The following PARP1 variants were observed in gnomAD, a reference collection of about 807,000 sequenced individuals.
The protein encoded by PARP1 is poly [ADP-ribose] polymerase 1.
Under a neutral mutation model 118.7 loss-of-function variants are expected in PARP1, and 44 were observed. The observed-to-expected ratio is 0.37, with a 90% CI of 0.29 to 0.48. The LOEUF (loss-of-function observed/expected upper bound fraction) is 0.48. Ranked by LOEUF, PARP1 falls within the 20% of genes least tolerant of loss-of-function variation. PARP1 has a pLI of 0.99. For missense variants in PARP1, 1,100 were observed against 1,272.4 expected (o/e 0.86, Z 2.06); for synonymous variants, 492 against 483.2 (o/e 1.02, Z -0.24).
intron 22 of PARP1, 167 bp from the exon 23 acceptor site, chr1:226,361,708 A>G: frequency 1.5e-6 from 1 of 689,520 alleles, no homozygotes; most frequent in Non-Finnish European, 2.6e-6. Context: ...AGGATGCTCA[A>G]TGCCAGCCTG....
At position 226,380,129 on chromosome 1, in the gene PARP1, C is replaced by T. The variant is rs2102735678; in HGVS notation, c.1336G>A (p.Val446Ile). The T allele has an allele frequency of 6.2e-7, 1 of 1,614,186 alleles. No individual in the cohort carries two copies. Residue 446 changes from valine (V) to isoleucine (I), a missense_variant, in exon 10 of 23, where the codon GTA becomes ATA. Physicochemically the swap from Val to Ile is conservative, Grantham distance 29 (BLOSUM62 3). Transcript: ENST00000366794. ...VEKMNKKMEE[V>I]KEANIRVVSE... ...ACAACTCGGATGTTGGCTTCCTTTACTTCCTCCATCTTCTTATTCATCTTT... is the reference window on the plus strand; with the variant it reads ...ACAACTCGGATGTTGGCTTCCTTTATTTCCTCCATCTTCTTATTCATCTTT...
chr1:226,405,331 T>C (rs1050422951), intron 1 of PARP1, among the ~76,000 whole-genome samples: 8 of 151,974 alleles, frequency 5.3e-5, no homozygotes, highest in African/African-American at 1.9e-4. Flanking sequence ...TGGGTCTGGG[T>C]CTGGGTCTGT....
At chr1:226,381,282 C>A (rs2102736415) in intron 8 of PARP1, 74 bp from the exon 9 acceptor site, 1 of 1,574,466 alleles carries the variant, frequency 6.4e-7, no homozygotes, top group Non-Finnish European at 8.7e-7. Flanking sequence ...GGTGGAGGAG[C>A]AGGTGAGCCA....
At position 226,361,155 on chromosome 1, in the gene PARP1, T is replaced by A; in HGVS notation, c.*305A>T. 2.3e-6 allele frequency: 1 copy of A among 431,518 alleles called. No individual in the cohort carries two copies. 26.7% of individuals were successfully genotyped at this position (431,518 alleles called of 1,614,324 possible). A position where few individuals can be genotyped will look rare whatever the true frequency, so the allele number is the denominator to read the frequency against. On this transcript the variant is annotated 3_prime_UTR_variant, in exon 23 of 23. Transcript: ENST00000366794. The stretch of plus-strand genomic sequence containing the variant: ...AGGCAGACATTCTAACGAAGCTTGG[T>A]TTTTTCCATAGGACTAGTCTATGCA...
In PARP1 at chr1:226,390,348, C is replaced by T. The variant is rs548566971; in HGVS notation, c.617+62G>A. The T allele has an allele frequency of 1.2e-5, 17 of 1,452,404 alleles. No homozygotes were observed. The African/African-American group carries it at 2.1e-4, about 18-fold the overall frequency. The allele number at this position is 1,452,404 out of a possible 1,614,324, so 90.0% of individuals were successfully genotyped here. ...AGGAGTGGTATGGAACCTGTAGGGC[C>T]TTTGGGCCTCCCTTGAACCCCTCAC... On this transcript the variant is annotated intron_variant, in intron 4 of 22. Coordinates refer to ENST00000366794, the MANE Select transcript of PARP1 (RefSeq NM_001618.4).
intron 2 of PARP1, among the ~76,000 whole-genome samples, chr1:226,393,835 G>T (rs1355914020): frequency 1.3e-5 from 2 of 152,218 alleles, no homozygotes; most frequent in Admixed American, 6.5e-5. Flanking sequence ...ATCTGTGCAT[G>T]TAACTATGTA....
intron 11 of PARP1, 139 bp from the exon 12 acceptor site, chr1:226,379,413 T>C (rs998633141): frequency 1.3e-4 from 166 of 1,249,358 alleles, no homozygotes; most frequent in Non-Finnish European, 1.9e-4. Flanking sequence ...CACAAATGTG[T>C]GTTCTCAGGA....
chr1:226,365,106 T>G lies in PARP1; in HGVS notation c.2554A>C (p.Lys852Gln), dbSNP rs764800807. 3 of 1,614,210 alleles carry G rather than the reference T, an allele frequency of 1.9e-6. No individual in the cohort carries two copies. The highest frequency in any genetic ancestry group is 2.5e-6 in the Non-Finnish European group (3 of 1,180,030). The change falls in exon 19 of 23, where the codon AAG becomes CAG. Residue 852 changes from lysine (K) to glutamine (Q), a missense_variant. By Grantham distance (53) the Lys-to-Gln change is moderately conservative. This residue lies in a region of PARP1 where 152 missense variants were observed against 240.6 expected (regional missense o/e 0.63). Transcript: ENST00000366794. ...AGCAATCTTCGGTTATGAAGCTGCTTAAAGGGCTTGTAACGCTGGCATTCG... is the reference window on the plus strand; with the variant it reads ...AGCAATCTTCGGTTATGAAGCTGCTGAAAGGGCTTGTAACGCTGGCATTCG... ...EGECQRYKPF[K>Q]QLHNRRLLWH...
At position 226,392,239 on chromosome 1, in the gene PARP1, T is replaced by G. The variant is rs200370133; in HGVS notation, c.362A>C (p.Asn121Thr). Reference sequence around the variant, plus strand: ...CATACACCCCTTGCACGTACTTCTGTTGGACTTGGCATACTCTGCTGCAAA... The same window carrying G: ...CATACACCCCTTGCACGTACTTCTGGTGGACTTGGCATACTCTGCTGCAAA... ...GDFAAEYAKS[N>T]RSTCKGCMEK... The change falls in exon 3 of 23, where the codon AAC (asparagine) becomes ACC (threonine). Residue 121 changes from asparagine (N) to threonine (T), a missense_variant. Around this residue, in one of 2 missense-constraint regions of PARP1, gnomAD observed 948 missense variants for 1,031.8 expected, o/e 0.92. Transcript: ENST00000366794. 1 of 1,614,094 alleles carries G rather than the reference T, an allele frequency of 6.2e-7. No homozygotes were observed. Among genetic ancestry groups the G allele is most frequent in the Non-Finnish European group, 8.5e-7 (1 of 1,179,928 alleles).
chr1:226,395,542 G>A (rs1184220970), intron 2 of PARP1, among the ~76,000 whole-genome samples: 4 of 152,122 alleles, frequency 2.6e-5, no homozygotes. Flanking sequence ...CTACTCGGGA[G>A]GCTGAGGCAG....
intron 15 of PARP1, among the ~76,000 whole-genome samples, chr1:226,369,122 T>C (rs1288149887): frequency 2.0e-5 from 3 of 152,218 alleles, no homozygotes; most frequent in African/African-American, 4.8e-5. Context: ...CTGAAGACTA[T>C]TGCATGGGAA....
Position 226,408,087 on chromosome 1 carries a change from G to C in PARP1, c.-158C>G. 9.3e-7 allele frequency: 1 copy of C among 1,075,414 alleles called. No homozygotes were observed. 66.6% of individuals were successfully genotyped at this position (1,075,414 alleles called of 1,614,324 possible). ...CACCGGCCACCGCCGTTCCCTGATA[G>C]ATTGCTGATGCCTGGCCGCGGGAAC... On this transcript the variant is annotated 5_prime_UTR_variant, in exon 1 of 23. It adds an upstream start codon to the 5' untranslated region. Transcript: ENST00000366794.
intron 14 of PARP1, 111 bp from the exon 15 acceptor site, chr1:226,370,628 C>G (rs930839882): frequency 1.2e-6 from 1 of 849,394 alleles, no homozygotes; most frequent in African/African-American, 1.6e-5. Context: ...AGTCAGGAGC[C>G]TGCTGGGATT....
chr1:226,365,778 C>CAAAAACA (rs1664249637), intron 18 of PARP1, among the ~76,000 whole-genome samples, 176 bp downstream of exon 18: 2 of 41,594 alleles, frequency 4.8e-5, no homozygotes, highest in Non-Finnish European at 1.1e-4. Flanking sequence ...AAAAAAAAAA[C>CAAAAACA]AAAAAACAAA....
chr1:226,384,709 G>A (rs963018014), intron 7 of PARP1, among the ~76,000 whole-genome samples: 1 of 152,364 alleles, frequency 6.6e-6, no homozygotes, highest in Middle Eastern at 3.4e-3. Flanking sequence ...AGAAAATTAG[G>A]AGGGATCATG....
At chr1:226,364,204 T>G in intron 19 of PARP1, 134 bp from the exon 20 acceptor site, 1 of 868,104 alleles carries the variant, frequency 1.2e-6, no homozygotes, top group Non-Finnish European at 1.9e-6. Flanking sequence ...ACAATGCCCA[T>G]GGTGAGGAAA....
intron 3 of PARP1, among the ~76,000 whole-genome samples, chr1:226,391,190 G>A (rs1664813949): frequency 6.6e-6 from 1 of 151,718 alleles, no homozygotes; most frequent in Non-Finnish European, 1.5e-5. Context: ...AGAACTCCTG[G>A]ACTCAAGCAA....
In PARP1 at chr1:226,364,034, C is replaced by A; in HGVS notation, c.2695G>T (p.Asp899Tyr). Residue 899 changes from aspartate (D) to tyrosine (Y), a missense_variant, in exon 20 of 23, where the codon GAC becomes TAC. By Grantham distance (160) the Asp-to-Tyr change is radical (BLOSUM62 -3). This residue lies in a region of PARP1 where 152 missense variants were observed against 240.6 expected (regional missense o/e 0.63). Coordinates refer to ENST00000366794, the MANE Select transcript of PARP1 (RefSeq NM_001618.4). ...YMFGKGIYFA[D>Y]MVSKSANYCH... ...TAGTTGGCACTCTTGGAGACCATGT[C>A]AGCGAAATAGATCCCTTTACCAAAC... is the stretch of plus-strand genomic sequence containing the variant. 1 of 1,613,944 alleles carries A rather than the reference C, an allele frequency of 6.2e-7. No individual in the cohort carries two copies.
rs752395660 is a variant in PARP1 at position 226,368,329 on chromosome 1, G to C, written c.2155-8C>G. The stretch of plus-strand genomic sequence containing the variant: ...GCTGCCCTGAGACACCGCCTGGAGA[G>C]GAGGGGACAGAAGGAATGCAAGACT... On this transcript the variant is annotated splice_region_variant and splice_polypyrimidine_tract_variant and intron_variant, in intron 15 of 22. Transcript: ENST00000366794. The C allele has an allele frequency of 5.0e-6, 8 of 1,614,162 alleles. No individual in the cohort carries two copies. Among genetic ancestry groups the C allele is most frequent in the Non-Finnish European group, 6.8e-6 (8 of 1,180,038 alleles).
Sources: allele counts gnomAD v4.1 joint callset (sites outside exome capture counted in the v4.1 genomes callset), GRCh38; gene constraint gnomAD v4.1.1; regional missense constraint gnomAD v4.1.1; transcripts MANE v1.5; gene names NCBI Gene and HGNC (gene_info 2026-07-23, HGNC 2026-07-21).